SNX5: variants seen among roughly 807,000 people sequenced by gnomAD.
SNX5 encodes sorting nexin 5.
Under a neutral mutation model 53.9 loss-of-function variants are expected in SNX5, and 31 were observed. The observed-to-expected ratio is 0.58, with a 90% confidence interval of 0.43 to 0.78. The LOEUF is 0.78. Among genes scored for constraint, SNX5 ranks in the 30% least tolerant of loss-of-function variants. The pLI, the probability that SNX5 is intolerant of heterozygous loss-of-function variation, is 0.00. For missense variants in SNX5, 471 were observed against 478.8 expected, an observed-to-expected ratio of 0.98 and a Z score of 0.15; for synonymous variants, 168 against 171.1, an observed-to-expected ratio of 0.98 and a Z score of 0.14.
chr20:17,944,146 T>TA (rs1950231307), intron 11 of SNX5: 1 of 152,110 alleles, frequency 6.6e-6, no homozygotes, highest in South Asian at 2.1e-4. Flanking sequence ...GTTGAACTCC[T>TA]AGAAGTAGAG....
At position 17,948,877 on chromosome 20, in the gene SNX5, ACT is replaced by A. The variant is rs2039523785; in HGVS notation, c.918+11_918+12del. 1 of 1,608,374 alleles carries A rather than the reference ACT, an allele frequency of 6.2e-7. No individual in the cohort carries two copies. Among genetic ancestry groups the A allele is most frequent in the South Asian group, 1.1e-5 (1 of 90,924 alleles). On this transcript the variant is annotated intron_variant, in intron 10 of 12. Transcript: ENST00000377759. ...CTGCACTGCTCTGAGAAGCTGAGCA[ACT>A]CTCTTCCTACCTTAGCAGCTTCAAT...
intron 1 of SNX5, chr20:17,967,918 CA>C (rs2122448871): frequency 2.5e-6 from 1 of 395,038 alleles, no homozygotes; most frequent in Non-Finnish European, 4.4e-6. Flanking sequence ...TGCAATTTCC[CA>C]AGTTGTTTGG....
At chr20:17,952,139 C>T (rs1167519624) in intron 5 of SNX5, among the ~76,000 whole-genome samples, 2 of 152,082 alleles carry the variant, frequency 1.3e-5, no homozygotes, top group Non-Finnish European at 2.9e-5. Flanking sequence ...AGGAGAATGG[C>T]GTGAACCCAG....
chr20:17,963,417 G>A (rs1170621386), intron 1 of SNX5, among the ~76,000 whole-genome samples: 1 of 152,140 alleles, frequency 6.6e-6, no homozygotes, highest in Non-Finnish European at 1.5e-5. Flanking sequence ...AGTGAACTAC[G>A]ATCAGACCAC....
rs961293470 is a variant in SNX5, at chr20:17,961,949, T to C, written c.52-4912A>G. Reference sequence around the variant, plus strand: ...AATTCAAAGATGTTCTGTCACACTCTAGATTTGTATTAATGTCCACAAATA... The same window carrying C: ...AATTCAAAGATGTTCTGTCACACTCCAGATTTGTATTAATGTCCACAAATA... On this transcript the variant is annotated intron_variant, in intron 1 of 12. Transcript: ENST00000377759. 5 of 980,132 alleles carry C rather than the reference T, an allele frequency of 5.1e-6. No homozygotes were observed. In the Admixed American group the frequency reaches 2.5e-4, roughly 48 times the overall value. The allele number at this position is 980,132 out of a possible 1,614,324, so 60.7% of individuals were successfully genotyped here.
rs59621613 is a variant in SNX5, at chr20:17,958,002, CAAAA to C, written c.52-969_52-966del. Among the ~76,000 whole-genome samples, 13 of 107,822 alleles carry C rather than the reference CAAAA, an allele frequency of 1.2e-4. No individual in the cohort carries two copies. The South Asian group carries it at 2.7e-3, about 22-fold the overall frequency. 70.7% of individuals were successfully genotyped at this position (107,822 alleles called of 152,430 possible). ...ACTACCTAACTCCATTTCTGCCCGT[CAAAA>C]AAAAAAAAAAAAAAAAGAGAGGAGA... On this transcript the variant is annotated intron_variant, in intron 1 of 12. Transcript: ENST00000377759.
intron 1 of SNX5, among the ~76,000 whole-genome samples, chr20:17,966,564 T>C (rs1374552224): frequency 1.3e-5 from 2 of 152,180 alleles, no homozygotes; most frequent in Non-Finnish European, 2.9e-5. Context: ...AGTATTCCCT[T>C]TCAGTTTTGC....
At position 17,953,482 on chromosome 20, in the gene SNX5, A is replaced by G. The variant is rs576748827; in HGVS notation, c.389+514T>C. On this transcript the variant is annotated intron_variant, in intron 4 of 12. Coordinates refer to ENST00000377759, the MANE Select transcript of SNX5 (RefSeq NM_014426.4). ...TGATGGTTACTGAGAATGCTACTCT[A>G]TAACAGCACTATTTGGCCTGGCCCA... is the stretch of plus-strand genomic sequence containing the variant. Among the ~76,000 whole-genome samples the G allele has an allele frequency of 3.7e-4, 57 of 152,354 alleles. 1 individual carries two copies. The highest frequency in any genetic ancestry group is 1.2e-3 in the Admixed American group (19 of 15,306).
At chr20:17,952,815 A>G (rs2039589244) in intron 4 of SNX5, 105 bp from the exon 5 acceptor site, 2 of 1,335,594 alleles carry the variant, frequency 1.5e-6, no homozygotes, top group African/African-American at 1.5e-5. Flanking sequence ...CACATAAAAC[A>G]CTGCAACTGG....
At chr20:17,944,859 C>T (rs1042117390) in intron 11 of SNX5, 23 of 152,348 alleles carry the variant, frequency 1.5e-4, no homozygotes, top group Admixed American at 1.4e-3. Flanking sequence ...TTCATTTCAT[C>T]TACTCCTATT....
At chr20:17,965,363 G>C (rs1332746354) in intron 1 of SNX5, among the ~76,000 whole-genome samples, 1 of 152,142 alleles carries the variant, frequency 6.6e-6, no homozygotes, top group Non-Finnish European at 1.5e-5. Flanking sequence ...TCAACCTCTA[G>C]TTTAGATGAC....
intron 1 of SNX5, among the ~76,000 whole-genome samples, chr20:17,960,314 G>T (rs1392274314): frequency 6.6e-6 from 1 of 151,928 alleles, no homozygotes; most frequent in African/African-American, 2.4e-5. Context: ...TACAAAAAGT[G>T]GCCAGGCACG....
At chr20:17,958,221 C>A (rs576974771) in intron 1 of SNX5, among the ~76,000 whole-genome samples, 1 of 152,284 alleles carries the variant, frequency 6.6e-6, no homozygotes, top group East Asian at 1.9e-4. Context: ...TGTCATAACA[C>A]TGGATTACCC....
At chr20:17,944,541 ACTC>A (rs1159121258) in intron 11 of SNX5, 1 of 151,724 alleles carries the variant, frequency 6.6e-6, no homozygotes. Context: ...CTTTTCATCT[ACTC>A]CTTTTTCTTT....
rs1352015839 is a variant in SNX5 at position 17,943,171 on chromosome 20, C to T, written c.1103G>A (p.Arg368Lys). 6.2e-7 allele frequency: 1 copy of T among 1,609,786 alleles called. No homozygotes were observed. Among genetic ancestry groups the T allele is most frequent in the East Asian group, 2.2e-5 (1 of 44,860 alleles). The part of the protein sequence containing the change: ...KEELINFKRK[R>K]VAAFRKNLIE... ...TAGATTCTTTCTAAATGCTGCCACT[C>T]TCTTCCGTTTGAAATTTATCAGTTC... Residue 368 changes from arginine to lysine, a missense_variant, in exon 12 of 13, where the codon AGA becomes AAA. Arg to Lys is a conservative substitution (Grantham distance 26). Coordinates refer to ENST00000377759, the MANE Select transcript of SNX5 (RefSeq NM_014426.4).
chr20:17,954,148 T>C (rs1229753046), intron 3 of SNX5, 31 bp from the exon 4 acceptor site: 4 of 1,608,558 alleles, frequency 2.5e-6, no homozygotes, highest in Non-Finnish European at 3.4e-6. Context: ...CATGAGCCTC[T>C]TGTCCCAGCA....
At position 17,968,647 on chromosome 20, in the gene SNX5, G is replaced by A. The variant is rs1240122026; in HGVS notation, c.-222C>T. 1.6e-6 allele frequency: 1 copy of A among 611,544 alleles called. No individual in the cohort carries two copies. Among genetic ancestry groups the A allele is most frequent in the South Asian group, 1.6e-5 (1 of 61,374 alleles). The allele number at this position is 611,544 out of a possible 1,614,324, so 37.9% of individuals were successfully genotyped here. ...CGTGCTCCCCCAGAGCAGCCTCCCA[G>A]TCCCCGCTGCCGTCCATCTTGGAGC... On this transcript the variant is annotated 5_prime_UTR_variant, in exon 1 of 13. Transcript: ENST00000377759.
Position 17,951,584 on chromosome 20 carries a change from C to CTTAG in SNX5, c.524_525insCTAA (p.Arg175SerfsTer2). On this transcript the variant is annotated stop_gained and frameshift_variant, in exon 6 of 13. Transcript: ENST00000377759. LOFTEE classifies it high-confidence loss of function. ...CAAACATCTCTTTAGTATTTTTCCG[C>CTTAG]CTAACACTTAGCTAAAAGAAGAAAA... The CTTAG allele has an allele frequency of 6.2e-7, 1 of 1,610,108 alleles. No homozygotes were observed. Among genetic ancestry groups the CTTAG allele is most frequent in the Non-Finnish European group, 8.5e-7 (1 of 1,176,930 alleles).
At chr20:17,966,638 T>G (rs188290582) in intron 1 of SNX5, among the ~76,000 whole-genome samples, 26 of 152,346 alleles carry the variant, frequency 1.7e-4, no homozygotes, top group Admixed American at 1.6e-3. Context: ...TATGTCCCCC[T>G]ACCTTAGTGA....
Sources: gnomAD v4.1 joint callset for allele counts (sites outside exome capture counted in the v4.1 genomes callset) on GRCh38, gnomAD v4.1.1 for gene constraint, MANE v1.5 for transcripts, NCBI Gene and HGNC (gene_info 2026-07-23, HGNC 2026-07-21) for gene names.